TAF12: variants seen among roughly 807,000 people sequenced by gnomAD.
The protein encoded by TAF12 is TATA-box binding protein associated factor 12, also known as transcription initiation factor TFIID subunit 12.
TAF12 carries 3 observed loss-of-function variants against 20.8 expected under a neutral mutation model. That is an observed-to-expected ratio of 0.14 (90% CI 0.07 to 0.37). The LOEUF is 0.37. TAF12 is among the 10% of genes least tolerant of loss of function. The pLI, the probability that TAF12 is intolerant of heterozygous loss-of-function variation, is 1.00. For synonymous variants in TAF12, 69 were observed against 70.2 expected, an observed-to-expected ratio of 0.98 and a Z score of 0.09; for missense variants, 131 against 197.9, an observed-to-expected ratio of 0.66 and a Z score of 2.03.
chr1:28,605,496 C>G, intron 4 of TAF12, 36 bp from the exon 5 acceptor site: 1 of 1,606,312 alleles, frequency 6.2e-7, no homozygotes, highest in Non-Finnish European at 8.5e-7. Flanking sequence ...ATAAACGTAC[C>G]AAGAAGGCAG....
At chr1:28,641,531 T>C (rs1461512304) in intron 1 of TAF12, among the ~76,000 whole-genome samples, 2 of 152,072 alleles carry the variant, frequency 1.3e-5, no homozygotes, top group Non-Finnish European at 1.5e-5. Context: ...AGGTGACTCA[T>C]GCCTGTAATC....
chr1:28,615,606 G>T (rs1180136860), intron 3 of TAF12, among the ~76,000 whole-genome samples: 2 of 148,700 alleles, frequency 1.3e-5, no homozygotes, highest in Admixed American at 1.4e-4. Flanking sequence ...TTGAACCCGG[G>T]AGGTGGAGGT....
At chr1:28,627,886 C>T (rs1022083052) in intron 1 of TAF12, among the ~76,000 whole-genome samples, 3 of 151,952 alleles carry the variant, frequency 2.0e-5, no homozygotes, top group Admixed American at 6.6e-5. Context: ...CCAGACACCC[C>T]CTGGTGCCAG....
chr1:28,637,629 C>T (rs1005442972), intron 1 of TAF12, among the ~76,000 whole-genome samples: 2 of 152,000 alleles, frequency 1.3e-5, no homozygotes, highest in African/African-American at 4.8e-5. Context: ...CACACCACTG[C>T]ACTCCAGCCT....
chr1:28,615,662 G>T (rs951913621), intron 3 of TAF12, among the ~76,000 whole-genome samples: 1 of 104,106 alleles, frequency 9.6e-6, no homozygotes, highest in Non-Finnish European at 1.7e-5. Context: ...CTGGTCAACA[G>T]AGCGAGACTC....
chr1:28,615,637 CCG>C (rs1667009116), intron 3 of TAF12, among the ~76,000 whole-genome samples: 3 of 127,142 alleles, frequency 2.4e-5, no homozygotes, highest in South Asian at 5.1e-4. Context: ...CAAGATCATG[CCG>C]CTGCACTCCA....
At chr1:28,626,631 G>A (rs554544610) in intron 1 of TAF12, among the ~76,000 whole-genome samples, 26 of 151,012 alleles carry the variant, frequency 1.7e-4, no homozygotes, top group African/African-American at 5.3e-4. Flanking sequence ...TTTTTAGGAC[G>A]GTTGATGTGG....
intron 4 of TAF12, among the ~76,000 whole-genome samples, chr1:28,605,744 G>A (rs1666644238): frequency 6.6e-6 from 1 of 152,072 alleles, no homozygotes; most frequent in Non-Finnish European, 1.5e-5. Flanking sequence ...TCCCATCCTG[G>A]CCTCCCAAGT....
chr1:28,647,025 G>C (rs1055361978), upstream of TAF12, among the ~76,000 whole-genome samples: 1 of 151,946 alleles, frequency 6.6e-6, no homozygotes, highest in Non-Finnish European at 1.5e-5. Context: ...ATAGAGACAG[G>C]GTTTCACCAT....
Position 28,641,340 on chromosome 1 carries a change from G to A in TAF12, c.-85+1652C>T, listed in dbSNP as rs1421164472. ...TCTACTAAAAATACAAAAAGTAGCC[G>A]GGCATTGTGGCACACACCTGTAATT... On this transcript the variant is annotated intron_variant, in intron 1 of 5. Coordinates refer to ENST00000373824, the MANE Select transcript of TAF12 (RefSeq NM_005644.4). Among the ~76,000 whole-genome samples, 9 of 151,942 alleles carry A rather than the reference G, an allele frequency of 5.9e-5. No homozygotes were observed. The South Asian group carries it at 1.7e-3, about 28-fold the overall frequency.
intron 3 of TAF12, among the ~76,000 whole-genome samples, chr1:28,617,172 T>C (rs138119368): frequency 6.6e-6 from 1 of 152,300 alleles, no homozygotes; most frequent in East Asian, 1.9e-4. Flanking sequence ...TCTTTTTAAG[T>C]ATATTACTTA....
rs1333368396 is a variant in TAF12 at position 28,642,703 on chromosome 1, T to A, written c.-85+289A>T. The A allele has an allele frequency of 3.0e-6, 3 of 985,318 alleles. No homozygotes were observed. The African/African-American group carries it at 5.2e-5, about 17-fold the overall frequency. 61.0% of individuals were successfully genotyped at this position (985,318 alleles called of 1,614,324 possible). A position where few individuals can be genotyped will look rare whatever the true frequency, so the allele number is the denominator to read the frequency against. ...GCCCCGTTCCTTTCTGACCCTTTCC[T>A]CGTAGGAGTGCGGGTCCTCATAATC... On this transcript the variant is annotated intron_variant, in intron 1 of 5. Transcript: ENST00000373824.
chr1:28,641,632 A>G (rs757333474), intron 1 of TAF12, among the ~76,000 whole-genome samples: 7 of 152,082 alleles, frequency 4.6e-5, no homozygotes, highest in Non-Finnish European at 7.4e-5. Context: ...TGTTTCTACA[A>G]AAAATTTAAA....
At chr1:28,623,049 A>C (rs1157625400) in intron 1 of TAF12, among the ~76,000 whole-genome samples, 1 of 147,622 alleles carries the variant, frequency 6.8e-6, no homozygotes, top group Non-Finnish European at 1.5e-5. Context: ...AAAAAAAAAC[A>C]AAACACAAAA....
chr1:28,636,121 G>A (rs4252976), intron 1 of TAF12, among the ~76,000 whole-genome samples: 6,294 of 152,204 alleles, frequency 0.041, 160 homozygotes, highest in Middle Eastern at 0.085. Context: ...TGTGAGACTC[G>A]AGAGCAATAG....
At chr1:28,632,393 G>C (rs746083945) in intron 1 of TAF12, among the ~76,000 whole-genome samples, 1 of 152,050 alleles carries the variant, frequency 6.6e-6, no homozygotes, top group Non-Finnish European at 1.5e-5. Flanking sequence ...CCAAGATTAC[G>C]CCATTGCATC....
chr1:28,609,344 G>C lies in TAF12; in HGVS notation c.362-3884C>G, dbSNP rs565425306. Among the ~76,000 whole-genome samples, 98 of 152,208 alleles carry C rather than the reference G, an allele frequency of 6.4e-4. 1 individual carries two copies. Among genetic ancestry groups the C allele is most frequent in the African/African-American group, 2.2e-3 (93 of 41,536 alleles). On this transcript the variant is annotated intron_variant, in intron 4 of 5. Transcript: ENST00000373824. ...GCCCGCCTCGGCCTCCCAAAGTGCT[G>C]GGATTACAGGCGTGAGCCACCATGC... is the stretch of plus-strand genomic sequence containing the variant.
upstream of TAF12, among the ~76,000 whole-genome samples, chr1:28,646,920 G>A (rs555806653): frequency 1.1e-4 from 16 of 151,878 alleles, no homozygotes; most frequent in East Asian, 3.9e-4. Flanking sequence ...GGATGGTCTC[G>A]ATCTTCTGAC....
intron 1 of TAF12, among the ~76,000 whole-genome samples, chr1:28,639,907 T>C (rs1667977197): frequency 6.6e-6 from 1 of 151,946 alleles, no homozygotes; most frequent in Non-Finnish European, 1.5e-5. Flanking sequence ...AGTGACACAA[T>C]CTCGGCTCAT....
Sources: allele counts gnomAD v4.1 joint callset (sites outside exome capture counted in the v4.1 genomes callset), GRCh38; gene constraint gnomAD v4.1.1; transcripts MANE v1.5; gene names NCBI Gene and HGNC (gene_info 2026-07-23, HGNC 2026-07-21).